Variants in DNAJB14 observed in about 807,000 individuals in gnomAD.
The protein encoded by DNAJB14 is dnaJ homolog subfamily B member 14.
In DNAJB14, 22 loss-of-function variants were observed where a neutral mutation model predicts 48.4. The observed-to-expected ratio is 0.45, with a 90% CI of 0.32 to 0.65. The LOEUF is 0.65. Among genes scored for constraint, DNAJB14 ranks in the 30% least tolerant of loss-of-function variants. The pLI is 0.03. For synonymous variants in DNAJB14, 142 were observed against 158.7 expected, an observed-to-expected ratio of 0.89 and a Z score of 0.79; for missense variants, 319 against 458.8, an observed-to-expected ratio of 0.70 and a Z score of 2.78.
rs193291408 is a variant in DNAJB14 at position 99,905,986 on chromosome 4, C to A, written c.733-280G>T. 5.7e-5 allele frequency: 73 copies of A among 1,291,472 alleles called. No homozygotes were observed. The African/African-American group carries it at 9.6e-4, about 17-fold the overall frequency. 80.0% of individuals were successfully genotyped at this position (1,291,472 alleles called of 1,614,324 possible). A position where few individuals can be genotyped will look rare whatever the true frequency, so the allele number is the denominator to read the frequency against. On this transcript the variant is annotated intron_variant, in intron 5 of 7. Coordinates refer to ENST00000442697, the MANE Select transcript of DNAJB14 (RefSeq NM_001031723.4). Reference sequence around the variant, plus strand: ...TTTCTCTTTCCCGACTCCCTCCCCCCCACACACAGAGACGCTATCAATATG... The same window carrying A: ...TTTCTCTTTCCCGACTCCCTCCCCCACACACACAGAGACGCTATCAATATG...
intron 1 of DNAJB14, among the ~76,000 whole-genome samples, chr4:99,939,414 C>T (rs562268083): frequency 5.3e-5 from 8 of 152,220 alleles, no homozygotes; most frequent in East Asian, 1.9e-4. Context: ...AACGTGGCCA[C>T]GAAGACCCAC....
chr4:99,897,429 T>C lies in DNAJB14; in HGVS notation c.*3599A>G, dbSNP rs1221782404. The stretch of plus-strand genomic sequence containing the variant: ...AAAAGTGTTTCCATTTATATGAAAG[T>C]ATCTATTTAATAGTAATAAAACCAA... On this transcript the variant is annotated 3_prime_UTR_variant, in exon 8 of 8. Coordinates refer to ENST00000442697, the MANE Select transcript of DNAJB14 (RefSeq NM_001031723.4). The C allele has an allele frequency of 6.6e-6, 1 of 151,848 alleles. No homozygotes were observed. Among genetic ancestry groups the C allele is most frequent in the Non-Finnish European group, 1.5e-5 (1 of 67,838 alleles). The allele number at this position is 151,848 out of a possible 1,614,324, so 9.4% of individuals were successfully genotyped here.
chr4:99,905,992 A>G (rs1382917014), intron 5 of DNAJB14: 2 of 1,288,482 alleles, frequency 1.6e-6, no homozygotes, highest in Non-Finnish European at 9.9e-7. Flanking sequence ...CCCCCCACAC[A>G]CAGAGACGCT....
At chr4:99,906,482 ATT>A in intron 5 of DNAJB14, 33 bp downstream of exon 5, 2 of 1,593,042 alleles carry the variant, frequency 1.3e-6, no homozygotes, top group Non-Finnish European at 1.7e-6. Context: ...CTGAGCTGAA[ATT>A]TGCCATTTTG....
chr4:99,898,110 G>A lies in DNAJB14; in HGVS notation c.*2918C>T, dbSNP rs1725186099. ...TTCTCAGTAACTACTTTACATACTAGTGTAATTAAAGGTTTAACTGGAAGA... is the reference window on the plus strand; with the variant it reads ...TTCTCAGTAACTACTTTACATACTAATGTAATTAAAGGTTTAACTGGAAGA... On this transcript the variant is annotated 3_prime_UTR_variant, in exon 8 of 8. Coordinates refer to ENST00000442697, the MANE Select transcript of DNAJB14 (RefSeq NM_001031723.4). 1 of 151,968 alleles carries A rather than the reference G, an allele frequency of 6.6e-6. No homozygotes were observed. Among genetic ancestry groups the A allele is most frequent in the Admixed American group, 6.6e-5 (1 of 15,260 alleles). The allele number at this position is 151,968 out of a possible 1,614,324, so 9.4% of individuals were successfully genotyped here.
rs1009838167 is a variant in DNAJB14, at chr4:99,898,736, C to T, written c.*2292G>A. 1 of 151,786 alleles carries T rather than the reference C, an allele frequency of 6.6e-6. No individual in the cohort carries two copies. Among genetic ancestry groups the T allele is most frequent in the Non-Finnish European group, 1.5e-5 (1 of 67,752 alleles). 9.4% of individuals were successfully genotyped at this position (151,786 alleles called of 1,614,324 possible). A position where few individuals can be genotyped will look rare whatever the true frequency, so the allele number is the denominator to read the frequency against. ...TCATTAGAATGAGCCGATGAAATTG[C>T]GAAGTTCATGTAGCTAAACATAAGA... On this transcript the variant is annotated 3_prime_UTR_variant, in exon 8 of 8. Coordinates refer to ENST00000442697, the MANE Select transcript of DNAJB14 (RefSeq NM_001031723.4).
intron 1 of DNAJB14, among the ~76,000 whole-genome samples, chr4:99,936,329 A>G (rs1469353740): frequency 6.6e-6 from 1 of 152,228 alleles, no homozygotes; most frequent in East Asian, 1.9e-4. Context: ...ATCCTGTGGC[A>G]TTTTACTAAA....
intron 1 of DNAJB14, among the ~76,000 whole-genome samples, chr4:99,938,817 A>T (rs1475478313): frequency 1.3e-5 from 2 of 152,134 alleles, no homozygotes; most frequent in Admixed American, 6.5e-5. Flanking sequence ...GCTCCCACTA[A>T]CCAAAAACCT....
chr4:99,911,319 A>G (rs1725652508), intron 3 of DNAJB14, among the ~76,000 whole-genome samples: 1 of 151,990 alleles, frequency 6.6e-6, no homozygotes, highest in African/African-American at 2.4e-5. Flanking sequence ...GTTTTTTTCT[A>G]GTTTTTGGCT....
rs1341546415 is a variant in DNAJB14 at position 99,899,999 on chromosome 4, A to G, written c.*1029T>C. 5 of 152,424 alleles carry G rather than the reference A, an allele frequency of 3.3e-5. No homozygotes were observed. The highest frequency in any genetic ancestry group is 1.2e-4 in the African/African-American group (5 of 41,430). The allele number at this position is 152,424 out of a possible 1,614,324, so 9.4% of individuals were successfully genotyped here. A position where few individuals can be genotyped will look rare whatever the true frequency, so the allele number is the denominator to read the frequency against. On this transcript the variant is annotated 3_prime_UTR_variant, in exon 8 of 8. Transcript: ENST00000442697. The stretch of plus-strand genomic sequence containing the variant: ...AAACAGATCATGCTCTGATCAGATA[A>G]GTATACTGTAATCTACTTATATGTT...
At chr4:99,924,664 A>C in intron 2 of DNAJB14, 1 of 1,514,850 alleles carries the variant, frequency 6.6e-7, no homozygotes, top group Non-Finnish European at 8.9e-7. Context: ...AAAAAAAGAG[A>C]ATGATCCCAC....
chr4:99,939,338 G>A (rs1479788023), intron 1 of DNAJB14, among the ~76,000 whole-genome samples: 1 of 152,036 alleles, frequency 6.6e-6, no homozygotes, highest in Non-Finnish European at 1.5e-5. Context: ...TTCCGGCCTG[G>A]GCAACAGAGC....
intron 5 of DNAJB14, 132 bp downstream of exon 5, chr4:99,906,385 A>T: frequency 2.0e-6 from 2 of 994,504 alleles, no homozygotes; most frequent in Non-Finnish European, 2.9e-6. Context: ...AGGATTTTCT[A>T]GTCTCTACCA....
Position 99,900,281 on chromosome 4 carries a change from G to C in DNAJB14, c.*747C>G, listed in dbSNP as rs1422874498. ...CACTTTACTGTTGAAGACCCTTTTA[G>C]TTTAATATTTATAGCCATTTCCTCA... On this transcript the variant is annotated 3_prime_UTR_variant, in exon 8 of 8. Transcript: ENST00000442697. 1.3e-5 allele frequency: 2 copies of C among 151,828 alleles called. No homozygotes were observed. The highest frequency in any genetic ancestry group is 3.9e-4 in the East Asian group (2 of 5,190). The allele number at this position is 151,828 out of a possible 1,614,324, so 9.4% of individuals were successfully genotyped here.
intron 2 of DNAJB14, chr4:99,924,876 A>G (rs1411587386): frequency 3.2e-6 from 4 of 1,253,988 alleles, no homozygotes; most frequent in Non-Finnish European, 4.6e-6. Flanking sequence ...ATTCAACTGT[A>G]GATTTTGCCT....
chr4:99,906,575 T>C lies in DNAJB14; in HGVS notation c.674A>G (p.Tyr225Cys). Residue 225 changes from tyrosine to cysteine, a missense_variant, in exon 5 of 8, where the codon TAT (tyrosine) becomes TGT (cysteine). Around this residue, in one of 3 missense-constraint regions of DNAJB14, gnomAD observed 166 missense variants for 236.3 expected, o/e 0.70. Coordinates refer to ENST00000442697, the MANE Select transcript of DNAJB14 (RefSeq NM_001031723.4). ...ATGTCGATGCTGATGTTGTTGGCTA[T>C]AACCAGCTCTTCCATTTGAAAAAGA... Reference protein sequence around the residue: ...VHSFSNGRAGYSQQHQHRHSG... With the variant: ...VHSFSNGRAGCSQQHQHRHSG... 1 of 1,611,624 alleles carries C rather than the reference T, an allele frequency of 6.2e-7. No homozygotes were observed. Among genetic ancestry groups the C allele is most frequent in the Non-Finnish European group, 8.5e-7 (1 of 1,179,588 alleles).
Position 99,899,891 on chromosome 4 carries a change from T to C in DNAJB14, c.*1137A>G, listed in dbSNP as rs1414452547. The C allele has an allele frequency of 6.6e-6, 1 of 152,260 alleles. No individual in the cohort carries two copies. The highest frequency in any genetic ancestry group is 2.4e-5 in the African/African-American group (1 of 41,400). The allele number at this position is 152,260 out of a possible 1,614,324, so 9.4% of individuals were successfully genotyped here. ...CAATTACTCAATGGTAAATAGATTT[T>C]AGCTCAGAATTTTTAAAGGATGACT... On this transcript the variant is annotated 3_prime_UTR_variant, in exon 8 of 8. Coordinates refer to ENST00000442697, the MANE Select transcript of DNAJB14 (RefSeq NM_001031723.4).
At chr4:99,926,527 A>C (rs559206936) in intron 2 of DNAJB14, 1 of 152,264 alleles carries the variant, frequency 6.6e-6, no homozygotes, top group East Asian at 1.9e-4. Flanking sequence ...AGGTAAATTA[A>C]ACACTGAACA....
chr4:99,901,145 A>G lies in DNAJB14; in HGVS notation c.1023T>C (p.Asp341=), dbSNP rs1389816770. Residue 341 remains aspartate, a synonymous_variant, in exon 8 of 8, where the codon GAT becomes GAC. Transcript: ENST00000442697. ...GGTATACTTTTGCTGCATACTGCAT[A>G]TCTGTTTCTGTTAATAAAGAAAAAT... The part of the protein sequence containing the change: ...NCWKERQQKT[D]MQYAAKVYRD... 5.0e-6 allele frequency: 8 copies of G among 1,588,726 alleles called. No homozygotes were observed. Among genetic ancestry groups the G allele is most frequent in the African/African-American group, 1.4e-5 (1 of 73,134 alleles).
Sources: allele counts gnomAD v4.1 joint callset (sites outside exome capture counted in the v4.1 genomes callset), GRCh38; gene constraint gnomAD v4.1.1; regional missense constraint gnomAD v4.1.1; transcripts MANE v1.5; gene names NCBI Gene and HGNC (gene_info 2026-07-23, HGNC 2026-07-21).